Variants in KSR2 observed in about 807,000 individuals in gnomAD.
KSR2 encodes the protein kinase suppressor of ras 2.
A neutral mutation model predicts 107.8 loss-of-function variants in KSR2; 25 were observed. The ratio of observed to expected loss-of-function variants is 0.23; its 90% confidence interval spans 0.17 to 0.32. The LOEUF (loss-of-function observed/expected upper bound fraction) is 0.32, where lower values mean the gene tolerates loss of function less well. Ranked by LOEUF, KSR2 falls within the 10% of genes least tolerant of loss-of-function variation. KSR2 has a pLI of 1.00. For missense variants in KSR2, 887 were observed against 1,268.9 expected, an observed-to-expected ratio of 0.70 and a Z score of 4.57; for synonymous variants, 480 against 507.0, an observed-to-expected ratio of 0.95 and a Z score of 0.71.
At chr12:117,870,583 G>A (rs1320373042) in intron 1 of KSR2, among the ~76,000 whole-genome samples, 2 of 151,908 alleles carry the variant, frequency 1.3e-5, no homozygotes, top group Admixed American at 1.3e-4. Context: ...TGGGCAAGAC[G>A]GAGCGAGACA....
At chr12:117,828,315 G>A (rs1439208776) in intron 3 of KSR2, among the ~76,000 whole-genome samples, 2 of 152,148 alleles carry the variant, frequency 1.3e-5, no homozygotes, top group Non-Finnish European at 1.5e-5. Flanking sequence ...GAAAGCCACA[G>A]TCAAGTTCAG....
chr12:117,706,200 C>T lies in KSR2; in HGVS notation c.987-38542G>A, dbSNP rs576420685. Among the ~76,000 whole-genome samples, 261 of 152,060 alleles carry T rather than the reference C, an allele frequency of 1.7e-3. 1 individual carries two copies. The highest frequency in any genetic ancestry group is 6.1e-3 in the African/African-American group (253 of 41,480). On this transcript the variant is annotated intron_variant, in intron 4 of 19. Coordinates refer to ENST00000339824, the MANE Select transcript of KSR2 (RefSeq NM_173598.6). ...CTGGGATTACAGGTGCATGCCACCACACCCAGATAATTTTTGTATTTTTAG... is the reference window on the plus strand; with the variant it reads ...CTGGGATTACAGGTGCATGCCACCATACCCAGATAATTTTTGTATTTTTAG...
chr12:117,487,675 G>A (rs1462622377), intron 14 of KSR2, among the ~76,000 whole-genome samples: 32 of 152,168 alleles, frequency 2.1e-4, no homozygotes, highest in African/African-American at 1.9e-4. Context: ...ACTGCAGACC[G>A]CAGAGCAAAT....
chr12:117,818,140 T>C (rs868250946), intron 3 of KSR2, among the ~76,000 whole-genome samples: 3 of 152,046 alleles, frequency 2.0e-5, no homozygotes, highest in African/African-American at 7.2e-5. Context: ...GTTTATCCAA[T>C]ATGTCCCTCA....
intron 4 of KSR2, among the ~76,000 whole-genome samples, chr12:117,740,357 GTATA>G: frequency 7.6e-6 from 1 of 131,916 alleles, no homozygotes; most frequent in South Asian, 2.3e-4. Flanking sequence ...ACTATATATA[GTATA>G]TATATATTAG....
chr12:117,580,153 C>T (rs1879553400), intron 6 of KSR2, among the ~76,000 whole-genome samples: 1 of 152,182 alleles, frequency 6.6e-6, no homozygotes, highest in African/African-American at 2.4e-5. Context: ...GGTTGCATCC[C>T]TCTGCTGGAC....
At chr12:117,779,198 T>C (rs1271842026) in intron 3 of KSR2, among the ~76,000 whole-genome samples, 1 of 152,204 alleles carries the variant, frequency 6.6e-6, no homozygotes, top group Non-Finnish European at 1.5e-5. Flanking sequence ...AAAGGTGCTG[T>C]GTAAACGTCT....
At chr12:117,507,259 C>G (rs887283735) in intron 14 of KSR2, among the ~76,000 whole-genome samples, 2 of 152,184 alleles carry the variant, frequency 1.3e-5, no homozygotes, top group Non-Finnish European at 2.9e-5. Context: ...CATTCAGCAC[C>G]AGGATGGCAA....
chr12:117,636,629 C>T (rs1316311886), intron 5 of KSR2, among the ~76,000 whole-genome samples: 3 of 152,182 alleles, frequency 2.0e-5, no homozygotes, highest in African/African-American at 7.2e-5. Context: ...AAATAGGTCC[C>T]TAACTTATAC....
intron 3 of KSR2, among the ~76,000 whole-genome samples, chr12:117,795,383 G>A (rs962239142): frequency 6.6e-6 from 1 of 152,148 alleles, no homozygotes; most frequent in Non-Finnish European, 1.5e-5. Context: ...TCTGGAAGAT[G>A]ATGCCACCTT....
chr12:117,819,048 T>G (rs10850905), intron 3 of KSR2, among the ~76,000 whole-genome samples: 42,495 of 151,860 alleles, frequency 0.28, 6,298 homozygotes, highest in Middle Eastern at 0.34. Flanking sequence ...TCAGTCATGA[T>G]TTACATCATT....
chr12:117,598,772 C>T (rs367760278), intron 5 of KSR2, among the ~76,000 whole-genome samples: 8 of 151,958 alleles, frequency 5.3e-5, no homozygotes, highest in East Asian at 1.9e-4. Context: ...TATATTCATG[C>T]CCTTTGCAGA....
intron 9 of KSR2, among the ~76,000 whole-genome samples, chr12:117,549,086 T>C (rs1173303975): frequency 6.6e-6 from 1 of 152,214 alleles, no homozygotes; most frequent in Non-Finnish European, 1.5e-5. Context: ...ACCTTGAAGG[T>C]AACTCTGATC....
intron 5 of KSR2, among the ~76,000 whole-genome samples, chr12:117,666,059 C>T (rs1268859753): frequency 1.3e-5 from 2 of 152,158 alleles, no homozygotes; most frequent in East Asian, 1.9e-4. Flanking sequence ...CTGGTATGGA[C>T]CTGGGAGTCG....
chr12:117,702,805 G>T (rs1438439733), intron 4 of KSR2, among the ~76,000 whole-genome samples: 1 of 152,150 alleles, frequency 6.6e-6, no homozygotes, highest in Non-Finnish European at 1.5e-5. Flanking sequence ...GCTGGCCAGT[G>T]CACCGTGGCC....
rs1037902349 is a variant in KSR2, at chr12:117,778,132, T to C, written c.473-16608A>G. Among the ~76,000 whole-genome samples the C allele has an allele frequency of 5.3e-5, 8 of 152,366 alleles. No individual in the cohort carries two copies. The East Asian group carries it at 1.5e-3, about 29-fold the overall frequency. On this transcript the variant is annotated intron_variant, in intron 3 of 19. Coordinates refer to ENST00000339824, the MANE Select transcript of KSR2 (RefSeq NM_173598.6). Reference sequence around the variant, plus strand: ...AATGAAACAATTCTTCTTTACTTTTTTTGAGATGAAGTCTCTCTCTGTTGT... The same window carrying C: ...AATGAAACAATTCTTCTTTACTTTTCTTGAGATGAAGTCTCTCTCTGTTGT...
intron 16 of KSR2, among the ~76,000 whole-genome samples, 186 bp from the exon 17 acceptor site, chr12:117,476,781 A>G (rs1326658276): frequency 1.3e-5 from 2 of 152,134 alleles, no homozygotes; most frequent in African/African-American, 4.8e-5. Context: ...CTCTAGAGAA[A>G]CACTCAGGAT....
chr12:117,945,400 C>T (rs1477816578), intron 1 of KSR2, among the ~76,000 whole-genome samples: 1 of 152,096 alleles, frequency 6.6e-6, no homozygotes, highest in Non-Finnish European at 1.5e-5. Context: ...ACTGGCTGAG[C>T]GCAGTGACTC....
chr12:117,511,946 CCAGTTCTGTCCTTGATCCCT>C (rs1301037822), intron 14 of KSR2, among the ~76,000 whole-genome samples: 1 of 151,272 alleles, frequency 6.6e-6, no homozygotes. Context: ...AAAGGATCTT[CCAGTTCTGTCCTTGATCCCT>C]CCGATGACTC....
Sources: gnomAD v4.1 joint callset for allele counts (sites outside exome capture counted in the v4.1 genomes callset) on GRCh38, gnomAD v4.1.1 for gene constraint, MANE v1.5 for transcripts, NCBI Gene and HGNC (gene_info 2026-07-23, HGNC 2026-07-21) for gene names.